SCMH1: variants seen among roughly 807,000 people sequenced by gnomAD.
The protein encoded by SCMH1 is Scm polycomb group protein homolog 1, also known as polycomb protein SCMH1.
A neutral mutation model predicts 70.8 loss-of-function variants in SCMH1; 37 were observed. The ratio of observed to expected loss-of-function variants is 0.52; its 90% CI spans 0.40 to 0.69. The LOEUF (loss-of-function observed/expected upper bound fraction) is 0.69, where lower values mean the gene tolerates loss of function less well. Ranked by LOEUF, SCMH1 falls within the 30% of genes least tolerant of loss-of-function variation. The pLI, the probability that SCMH1 is intolerant of heterozygous loss-of-function variation, is 0.00. For missense variants in SCMH1, 607 were observed against 827.3 expected (o/e 0.73, Z 3.27); for synonymous variants, 292 against 307.4 (o/e 0.95, Z 0.52).
intron 1 of SCMH1, among the ~76,000 whole-genome samples, chr1:41,213,459 C>G (rs1657464444): frequency 1.3e-5 from 2 of 152,258 alleles, no homozygotes; most frequent in South Asian, 4.1e-4. Context: ...CCATCTCCTC[C>G]TCTGTAGCAG....
chr1:41,117,051 C>A, intron 6 of SCMH1, 41 bp from the exon 7 acceptor site: 1 of 1,556,426 alleles, frequency 6.4e-7, no homozygotes. Flanking sequence ...AAGTATGTTT[C>A]AAAAATGAAT....
At chr1:41,060,686 C>T (rs957388107) in intron 10 of SCMH1, among the ~76,000 whole-genome samples, 1 of 151,974 alleles carries the variant, frequency 6.6e-6, no homozygotes, top group Non-Finnish European at 1.5e-5. Flanking sequence ...ACTCTGTCAC[C>T]TAGGTTAGAG....
chr1:41,056,587 A>C (rs1297488666), intron 10 of SCMH1, among the ~76,000 whole-genome samples: 1 of 152,240 alleles, frequency 6.6e-6, no homozygotes, highest in Non-Finnish European at 1.5e-5. Flanking sequence ...GAATAAGCTG[A>C]AAAGTCAACA....
intron 10 of SCMH1, among the ~76,000 whole-genome samples, chr1:41,052,317 T>G (rs1310482725): frequency 6.6e-6 from 1 of 152,236 alleles, no homozygotes; most frequent in Non-Finnish European, 1.5e-5. Flanking sequence ...AGATCAACAG[T>G]GGCATTAAAT....
chr1:41,217,528 G>A (rs566132644), intron 1 of SCMH1, among the ~76,000 whole-genome samples: 2 of 152,320 alleles, frequency 1.3e-5, no homozygotes, highest in Non-Finnish European at 2.9e-5. Flanking sequence ...CACAAACCCA[G>A]TCAATCATCT....
intron 10 of SCMH1, among the ~76,000 whole-genome samples, chr1:41,066,561 T>C (rs1361521008): frequency 2.0e-5 from 3 of 152,174 alleles, no homozygotes; most frequent in Non-Finnish European, 2.9e-5. Context: ...ATGCTTTTAG[T>C]CAGCCATCTT....
At chr1:41,089,115 A>G (rs577565942) in intron 8 of SCMH1, among the ~76,000 whole-genome samples, 1 of 152,354 alleles carries the variant, frequency 6.6e-6, no homozygotes, top group South Asian at 2.1e-4. Context: ...CCACATTTTC[A>G]GAACACAACC....
chr1:41,140,727 G>A (rs1434453687), intron 6 of SCMH1, among the ~76,000 whole-genome samples: 3 of 152,154 alleles, frequency 2.0e-5, no homozygotes, highest in Non-Finnish European at 4.4e-5. Flanking sequence ...AGGAGCCCAG[G>A]AACCTAGAAG....
chr1:41,058,378 GT>G (rs548733204), intron 10 of SCMH1, among the ~76,000 whole-genome samples: 24 of 81,640 alleles, frequency 2.9e-4, no homozygotes, highest in East Asian at 2.1e-3. Flanking sequence ...TTTCTTTCTT[GT>G]TTTTTTTTTT....
chr1:41,039,679 G>T (rs1645835939), intron 12 of SCMH1, among the ~76,000 whole-genome samples: 1 of 149,774 alleles, frequency 6.7e-6, no homozygotes, highest in South Asian at 2.1e-4. Flanking sequence ...TTGCCATGTT[G>T]GCCAGGCTAG....
At chr1:41,160,677 CCTA>C (rs547423829) in intron 4 of SCMH1, among the ~76,000 whole-genome samples, 195 bp downstream of exon 4, 2 of 152,120 alleles carry the variant, frequency 1.3e-5, no homozygotes, top group Non-Finnish European at 2.9e-5. Context: ...TGGTCTGTGG[CCTA>C]CTGATAAGCA....
chr1:41,221,998 C>T (rs1286013693), intron 1 of SCMH1, among the ~76,000 whole-genome samples: 1 of 150,022 alleles, frequency 6.7e-6, no homozygotes, highest in East Asian at 2.0e-4. Context: ...GAGAGCAGAA[C>T]CATCTACAAA....
chr1:41,078,508 AG>A (rs1336052819), intron 8 of SCMH1, among the ~76,000 whole-genome samples: 2 of 152,198 alleles, frequency 1.3e-5, no homozygotes, highest in African/African-American at 2.4e-5. Flanking sequence ...AATAAAAGAC[AG>A]GGAGGAAATA....
At chr1:41,082,371 CAG>C (rs1007192062) in intron 8 of SCMH1, among the ~76,000 whole-genome samples, 3 of 152,152 alleles carry the variant, frequency 2.0e-5, no homozygotes, top group African/African-American at 7.2e-5. Context: ...GATCTCTCGG[CAG>C]AAACTCCACA....
At chr1:41,098,426 T>C (rs1185214394) in intron 8 of SCMH1, among the ~76,000 whole-genome samples, 1 of 152,230 alleles carries the variant, frequency 6.6e-6, no homozygotes, top group African/African-American at 2.4e-5. Context: ...TGTTCTAATA[T>C]GTAAATTCTT....
intron 10 of SCMH1, among the ~76,000 whole-genome samples, chr1:41,063,565 A>G (rs749327438): frequency 2.0e-3 from 20 of 9,960 alleles, no homozygotes; most frequent in African/African-American, 0.011. Flanking sequence ...GGCTAACTAA[A>G]CAAACAAACA....
intron 8 of SCMH1, among the ~76,000 whole-genome samples, chr1:41,107,130 A>G (rs1366182426): frequency 6.6e-6 from 1 of 151,472 alleles, no homozygotes; most frequent in East Asian, 1.9e-4. Context: ...TTCATTTGGA[A>G]GCCTTCGTTT....
chr1:41,050,847 G>A (rs1008650502), intron 10 of SCMH1, among the ~76,000 whole-genome samples: 1 of 152,148 alleles, frequency 6.6e-6, no homozygotes, highest in African/African-American at 2.4e-5. Flanking sequence ...CTCTGGAGGT[G>A]AGTGTGAGGG....
intron 2 of SCMH1, among the ~76,000 whole-genome samples, chr1:41,177,214 G>A (rs893672514): frequency 6.6e-6 from 1 of 152,274 alleles, no homozygotes; most frequent in East Asian, 1.9e-4. Context: ...AAACAGAAAG[G>A]ACATCCACAC....
Sources: gnomAD v4.1 joint callset for allele counts (sites outside exome capture counted in the v4.1 genomes callset) on GRCh38, gnomAD v4.1.1 for gene constraint, MANE v1.5 for transcripts, NCBI Gene and HGNC (gene_info 2026-07-23, HGNC 2026-07-21) for gene names.